The following TMEM67 variants were observed in gnomAD, a reference collection of about 807,000 sequenced individuals.
The protein encoded by TMEM67 is meckelin.
A neutral mutation model predicts 136.6 loss-of-function variants in TMEM67; 124 were observed. The ratio of observed to expected loss-of-function variants is 0.91; its 90% CI spans 0.78 to 1.05. The LOEUF is 1.05. TMEM67 is among the 50% of genes least tolerant of loss of function. The pLI is 0.00. For synonymous variants in TMEM67, 364 were observed against 390.5 expected, an observed-to-expected ratio of 0.93 and a Z score of 0.80; for missense variants, 1,107 against 1,178.4, an observed-to-expected ratio of 0.94 and a Z score of 0.89.
At chr8:93,764,361 C>T (rs183867675) in intron 4 of TMEM67, among the ~76,000 whole-genome samples, 3 of 152,190 alleles carry the variant, frequency 2.0e-5, no homozygotes, top group Non-Finnish European at 4.4e-5. Flanking sequence ...TAATTATGTG[C>T]TAAGTACTGT....
At chr8:93,801,414 T>C (rs1005384519) in intron 21 of TMEM67, among the ~76,000 whole-genome samples, 3 of 151,792 alleles carry the variant, frequency 2.0e-5, no homozygotes, top group Non-Finnish European at 4.4e-5. Flanking sequence ...TTTTTTTTTT[T>C]TTTTGAGACA....
At chr8:93,799,784 C>G in intron 21 of TMEM67, 26 bp downstream of exon 21, 1 of 1,591,966 alleles carries the variant, frequency 6.3e-7, no homozygotes, top group Non-Finnish European at 8.6e-7. Flanking sequence ...GGTAATATTA[C>G]TTCTAAGTAA....
the TMEM67 span, among the ~76,000 whole-genome samples, chr8:93,827,651 A>T: frequency 1.4e-5 from 2 of 147,854 alleles, no homozygotes; most frequent in East Asian, 2.0e-4. Flanking sequence ...AGAGATGAGG[A>T]TCCCACTGTG....
Position 93,815,541 on chromosome 8 carries a change from A to C in TMEM67, c.2907+94A>C, listed in dbSNP as rs1321581416. ...TTCATAGCAGAGAGTAACAATGTCT[A>C]CTTTTACTACAATTTTGTAAAGGTT... On this transcript the variant is annotated intron_variant, in intron 27 of 27. Transcript: ENST00000453321. The C allele has an allele frequency of 5.2e-6, 6 of 1,154,350 alleles. No individual in the cohort carries two copies. The East Asian group carries it at 1.4e-4, about 28-fold the overall frequency. The allele number at this position is 1,154,350 out of a possible 1,614,324, so 71.5% of individuals were successfully genotyped here.
In TMEM67 at chr8:93,815,367, G is replaced by A; in HGVS notation, c.2827G>A (p.Asp943Asn). 1 of 1,611,706 alleles carries A rather than the reference G, an allele frequency of 6.2e-7. No homozygotes were observed. The highest frequency in any genetic ancestry group is 8.5e-7 in the Non-Finnish European group (1 of 1,178,614). Residue 943 changes from aspartate (D) to asparagine (N), a missense_variant, in exon 27 of 28, where the codon GAT becomes AAT. By Grantham distance (23) the Asp-to-Asn change is conservative. Coordinates refer to ENST00000453321, the MANE Select transcript of TMEM67 (RefSeq NM_153704.6). ...YGNEATLLIF[D>N]LLFFCVVDLA... ...AAATGAAGCTACTCTTCTTATTTTT[G>A]ATCTGCTGTTCTTCTGTGTTGTGGA...
At chr8:93,819,346 T>A, downstream of TMEM67, 1 of 362,124 alleles carries the variant, frequency 2.8e-6, no homozygotes, top group Admixed American at 3.9e-5. Context: ...CCGATAGATG[T>A]AAAACATAAA....
chr8:93,762,238 G>A (rs1368666939), intron 3 of TMEM67, among the ~76,000 whole-genome samples: 2 of 151,958 alleles, frequency 1.3e-5, no homozygotes, highest in Admixed American at 6.6e-5. Context: ...TGGATGACAA[G>A]AGCGAAACTC....
intron 13 of TMEM67, among the ~76,000 whole-genome samples, chr8:93,786,634 T>C (rs1030365571): frequency 2.6e-5 from 4 of 152,192 alleles, no homozygotes; most frequent in South Asian, 2.1e-4. Flanking sequence ...TGAGCTGAAA[T>C]TGGTGTTTCA....
chr8:93,777,188 G>A lies in TMEM67; in HGVS notation c.715-3405G>A, dbSNP rs561017770. On this transcript the variant is annotated intron_variant, in intron 7 of 27. Coordinates refer to ENST00000453321, the MANE Select transcript of TMEM67 (RefSeq NM_153704.6). ...TAGTAGTTTGTATTTCTGTGGGATC[G>A]GTGGTGATATCGCCTTTATCATTTT... Among the ~76,000 whole-genome samples, 6 of 152,172 alleles carry A rather than the reference G, an allele frequency of 3.9e-5. No homozygotes were observed. In the South Asian group the frequency reaches 6.2e-4, roughly 16 times the overall value.
chr8:93,793,075 C>G (rs1229684304), intron 15 of TMEM67, 123 bp from the exon 16 acceptor site: 2 of 864,756 alleles, frequency 2.3e-6, no homozygotes, highest in South Asian at 2.8e-5. Flanking sequence ...CCGGCTGACT[C>G]CTGTGTCCTT....
intron 23 of TMEM67, among the ~76,000 whole-genome samples, chr8:93,808,505 TG>T (rs1808544850): frequency 3.1e-5 from 4 of 127,120 alleles, no homozygotes; most frequent in Non-Finnish European, 5.3e-5. Context: ...CTATTATAGA[TG>T]AATATATATA....
the TMEM67 span, among the ~76,000 whole-genome samples, chr8:93,831,413 C>A: frequency 2.6e-5 from 4 of 152,200 alleles, no homozygotes; most frequent in African/African-American, 9.7e-5. Flanking sequence ...TTACAATGGA[C>A]ATTTTGACTC....
intron 2 of TMEM67, chr8:93,756,433 AT>A (rs1160147356): frequency 6.6e-6 from 1 of 152,166 alleles, no homozygotes; most frequent in African/African-American, 2.4e-5. Flanking sequence ...ACATAAATAT[AT>A]TTTTCAATCA....
the TMEM67 span, among the ~76,000 whole-genome samples, chr8:93,829,376 C>CTGTGTG: frequency 2.7e-5 from 4 of 150,034 alleles, no homozygotes; most frequent in South Asian, 2.1e-4. Flanking sequence ...CTCTCTCTCT[C>CTGTGTG]TCTCTCTGTG....
At chr8:93,809,036 C>T in intron 24 of TMEM67, 21 bp from the exon 25 acceptor site, 1 of 1,554,970 alleles carries the variant, frequency 6.4e-7, no homozygotes, top group Non-Finnish European at 8.9e-7. Context: ...ACTTTGTATT[C>T]ATTTCTCTTT....
rs68031743 is a variant in TMEM67 at position 93,781,926 on chromosome 8, C to CT, written c.1065+192dup. Among the ~76,000 whole-genome samples the CT allele has an allele frequency of 0.1, 15,398 of 148,018 alleles. 943 individuals carry two copies. The highest frequency in any genetic ancestry group is 0.14 in the Middle Eastern group (39 of 286). On this transcript the variant is annotated intron_variant, in intron 10 of 27. Transcript: ENST00000453321. ...TTGTTTGTTTGTTTGTTTGTTTTTT[C>CT]TTTTTTTTTTGAGATGGAGTCTCGC...
chr8:93,764,013 T>A, intron 4 of TMEM67, 72 bp downstream of exon 4: 1 of 1,002,762 alleles, frequency 1.0e-6, no homozygotes, highest in Non-Finnish European at 1.6e-6. Flanking sequence ...CTTTTAAGAG[T>A]GTTTTCCTAT....
chr8:93,788,649 A>C (rs368551772), intron 14 of TMEM67, among the ~76,000 whole-genome samples: 61 of 152,316 alleles, frequency 4.0e-4, no homozygotes, highest in Admixed American at 6.5e-4. Context: ...GTGCTCACCA[A>C]TCTATGACCC....
chr8:93,777,199 C>G (rs570191685), intron 7 of TMEM67, among the ~76,000 whole-genome samples: 1 of 152,082 alleles, frequency 6.6e-6, no homozygotes, highest in African/African-American at 2.4e-5. Context: ...GTGGTGATAT[C>G]GCCTTTATCA....
Sources: allele counts gnomAD v4.1 joint callset (sites outside exome capture counted in the v4.1 genomes callset), GRCh38; gene constraint gnomAD v4.1.1; transcripts MANE v1.5; gene names NCBI Gene and HGNC (gene_info 2026-07-23, HGNC 2026-07-21).